Variants in THSD7A observed in about 807,000 individuals in gnomAD.
THSD7A encodes the protein thrombospondin type-1 domain-containing protein 7A.
In THSD7A, 96 loss-of-function variants were observed where a neutral mutation model predicts 231.3. The ratio of observed to expected loss-of-function variants is 0.41; its 90% CI spans 0.35 to 0.49. The LOEUF (loss-of-function observed/expected upper bound fraction) is 0.49, where lower values mean the gene tolerates loss of function less well. Among genes scored for constraint, THSD7A ranks in the 20% least tolerant of loss-of-function variants. The pLI is 0.05. For synonymous variants in THSD7A, 940 were observed against 743.3 expected (o/e 1.26, Z -4.30); for missense variants, 2,290 against 2,070.2 (o/e 1.11, Z -2.06).
At chr7:11,787,014 G>C (rs985844177) in intron 1 of THSD7A, among the ~76,000 whole-genome samples, 3 of 151,970 alleles carry the variant, frequency 2.0e-5, no homozygotes, top group African/African-American at 7.2e-5. Flanking sequence ...CAACATTTAA[G>C]CATTAAGAAA....
intron 1 of THSD7A, among the ~76,000 whole-genome samples, chr7:11,803,002 A>G (rs1784316484): frequency 6.6e-6 from 1 of 152,224 alleles, no homozygotes; most frequent in African/African-American, 2.4e-5. Context: ...CATATATTAA[A>G]TAACATCTGT....
At chr7:11,795,527 A>T (rs6460843) in intron 1 of THSD7A, among the ~76,000 whole-genome samples, 1 of 151,892 alleles carries the variant, frequency 6.6e-6, no homozygotes, top group Admixed American at 6.6e-5. Context: ...AATCTAGTAC[A>T]ATTTGTAGGT....
chr7:11,380,128 A>G (rs1443936319), intron 24 of THSD7A, among the ~76,000 whole-genome samples: 1 of 152,022 alleles, frequency 6.6e-6, no homozygotes, highest in Non-Finnish European at 1.5e-5. Context: ...ATAACTCTTC[A>G]GCTCTTTATG....
intron 6 of THSD7A, among the ~76,000 whole-genome samples, chr7:11,494,924 T>G (rs1476227450): frequency 6.6e-6 from 1 of 152,126 alleles, no homozygotes; most frequent in Non-Finnish European, 1.5e-5. Flanking sequence ...ATTAATTCTA[T>G]GTAGCATATT....
At chr7:11,550,988 C>A (rs1404931724) in intron 4 of THSD7A, among the ~76,000 whole-genome samples, 2 of 152,010 alleles carry the variant, frequency 1.3e-5, no homozygotes, top group Non-Finnish European at 2.9e-5. Context: ...GGTACTGATT[C>A]AAAAACAGAC....
At position 11,481,827 on chromosome 7, in the gene THSD7A, T is replaced by G; in HGVS notation, c.1978A>C (p.Ile660Leu). The change falls in exon 7 of 28, where the codon ATA becomes CTA. Residue 660 changes from isoleucine (I) to leucine (L), a missense_variant. Physicochemically the swap from Ile to Leu is conservative, Grantham distance 5 (BLOSUM62 2). Coordinates refer to ENST00000423059, the MANE Select transcript of THSD7A (RefSeq NM_015204.3). ...CSGKTTEGKQ[I>L]RARSILAYAG... The stretch of plus-strand genomic sequence containing the variant: ...TAGGCCAGAATGGATCGTGCTCGTA[T>G]CTGTTTCCCTTCTGTCGTTTTCCCT... 6.2e-7 allele frequency: 1 copy of G among 1,613,672 alleles called. No individual in the cohort carries two copies. Among genetic ancestry groups the G allele is most frequent in the Non-Finnish European group, 8.5e-7 (1 of 1,179,682 alleles).
At chr7:11,603,546 A>C (rs2128345547) in intron 2 of THSD7A, among the ~76,000 whole-genome samples, 1 of 152,078 alleles carries the variant, frequency 6.6e-6, no homozygotes, top group East Asian at 1.9e-4. Flanking sequence ...CCAAAGGACT[A>C]TAAATCTTGC....
At chr7:11,797,169 AT>A (rs1212629458) in intron 1 of THSD7A, among the ~76,000 whole-genome samples, 1 of 152,094 alleles carries the variant, frequency 6.6e-6, no homozygotes, top group Non-Finnish European at 1.5e-5. Context: ...TATGTATTTT[AT>A]GTTTATTTTC....
At chr7:11,388,200 T>C (rs992345578) in intron 23 of THSD7A, among the ~76,000 whole-genome samples, 2 of 152,120 alleles carry the variant, frequency 1.3e-5, no homozygotes, top group African/African-American at 2.4e-5. Context: ...AGGATGATGA[T>C]GGCCTCATAA....
At chr7:11,602,484 G>C (rs1345042492) in intron 2 of THSD7A, among the ~76,000 whole-genome samples, 1 of 152,094 alleles carries the variant, frequency 6.6e-6, no homozygotes, top group African/African-American at 2.4e-5. Flanking sequence ...GTTACATAAA[G>C]TAGTAGGTTA....
intron 7 of THSD7A, among the ~76,000 whole-genome samples, chr7:11,477,454 G>C (rs935984223): frequency 6.6e-6 from 1 of 152,074 alleles, no homozygotes; most frequent in Non-Finnish European, 1.5e-5. Context: ...CCAGATTAAG[G>C]GGGTGTCTGT....
At chr7:11,425,872 C>T (rs1784303550) in intron 15 of THSD7A, among the ~76,000 whole-genome samples, 1 of 151,928 alleles carries the variant, frequency 6.6e-6, no homozygotes, top group African/African-American at 2.4e-5. Flanking sequence ...CCTTTGCAGC[C>T]ATTCTTTTGT....
rs76148926 is a variant in THSD7A at position 11,812,942 on chromosome 7, C to T, written c.190+18815G>A. 3.9e-4 allele frequency among the ~76,000 whole-genome samples: 59 copies of T among 152,132 alleles called. 1 individual carries two copies. In the East Asian group the frequency reaches 9.1e-3, roughly 23 times the overall value. Reference sequence around the variant, plus strand: ...GAGAATTTATTATTAATGAAGAAATCGTGAGAATTTAGTAAAAGAACATGT... The same window carrying T: ...GAGAATTTATTATTAATGAAGAAATTGTGAGAATTTAGTAAAAGAACATGT... On this transcript the variant is annotated intron_variant, in intron 1 of 27. Transcript: ENST00000423059.
At chr7:11,767,377 A>G (rs1783062514) in intron 1 of THSD7A, among the ~76,000 whole-genome samples, 1 of 152,230 alleles carries the variant, frequency 6.6e-6, no homozygotes, top group South Asian at 2.1e-4. Flanking sequence ...CTCCAGTCAC[A>G]TCAGCTTTTT....
intron 1 of THSD7A, among the ~76,000 whole-genome samples, chr7:11,775,396 G>A (rs765474330): frequency 1.8e-4 from 27 of 152,190 alleles, no homozygotes; most frequent in Non-Finnish European, 3.5e-4. Context: ...GTACACCCGC[G>A]TTCATAGCAA....
chr7:11,667,896 TA>T (rs1278725357), intron 1 of THSD7A, among the ~76,000 whole-genome samples: 1 of 152,290 alleles, frequency 6.6e-6, no homozygotes, highest in Admixed American at 6.5e-5. Context: ...TGTATTAGCA[TA>T]AAACAACATG....
intron 1 of THSD7A, among the ~76,000 whole-genome samples, chr7:11,694,928 G>A (rs1780342581): frequency 6.6e-6 from 1 of 151,450 alleles, no homozygotes. Context: ...GATGAGTCTA[G>A]AATAGAAGCC....
intron 1 of THSD7A, among the ~76,000 whole-genome samples, chr7:11,717,974 C>A (rs1781200527): frequency 6.6e-6 from 1 of 151,354 alleles, no homozygotes; most frequent in African/African-American, 2.4e-5. Context: ...AAATTTCATC[C>A]CCTGAAATTC....
At chr7:11,398,575 AG>A (rs1360374594) in intron 23 of THSD7A, among the ~76,000 whole-genome samples, 1 of 152,190 alleles carries the variant, frequency 6.6e-6, no homozygotes, top group Non-Finnish European at 1.5e-5. Flanking sequence ...ATTCATATTA[AG>A]AAAAGAATAT....
Sources: allele counts gnomAD v4.1 joint callset (sites outside exome capture counted in the v4.1 genomes callset), GRCh38; gene constraint gnomAD v4.1.1; transcripts MANE v1.5; gene names NCBI Gene and HGNC (gene_info 2026-07-23, HGNC 2026-07-21).